The following DUSP10 variants were observed in gnomAD, a reference collection of about 807,000 sequenced individuals.
The protein encoded by DUSP10 is dual specificity protein phosphatase 10.
A neutral mutation model predicts 30.8 loss-of-function variants in DUSP10; 14 were observed. That is an observed-to-expected ratio of 0.46 (90% CI 0.30 to 0.71). DUSP10 has a LOEUF of 0.71. DUSP10 is among the 30% of genes least tolerant of loss of function. The probability of loss-of-function intolerance (pLI) is 0.08; values close to 1 mark genes in which losing one functional copy is unlikely to be tolerated. For synonymous variants in DUSP10, 254 were observed against 250.4 expected, an observed-to-expected ratio of 1.01 and a Z score of -0.14; for missense variants, 550 against 619.4, an observed-to-expected ratio of 0.89 and a Z score of 1.19.
In DUSP10 at chr1:221,702,503, C is replaced by G; in HGVS notation, c.1358G>C (p.Gly453Ala). The G allele has an allele frequency of 6.2e-7, 1 of 1,614,014 alleles. No individual in the cohort carries two copies. Among genetic ancestry groups the G allele is most frequent in the Non-Finnish European group, 8.5e-7 (1 of 1,180,010 alleles). Residue 453 changes from glycine to alanine, a missense_variant, in exon 4 of 4, where the codon GGG becomes GCG. By Grantham distance (60) the Gly-to-Ala change is moderately conservative. Coordinates refer to ENST00000366899, the MANE Select transcript of DUSP10 (RefSeq NM_007207.6). This position sits in a 1 kb window ranked among gnomAD's most constrained non-coding sequence, Gnocchi z 4.5. Reference sequence around the variant, plus strand: ...GTCTTCCTCGAACTCTAGCAACTGCCCCATGAAGTTAAGGTTTGGGGAGAT... The same window carrying G: ...GTCTTCCTCGAACTCTAGCAACTGCGCCATGAAGTTAAGGTTTGGGGAGAT... ...PIISPNLNFMGQLLEFEEDLN... is the reference protein window; with the variant it reads ...PIISPNLNFMAQLLEFEEDLN...
chr1:221,740,386 T>C (rs543750483), intron 1 of DUSP10, among the ~76,000 whole-genome samples: 1 of 152,350 alleles, frequency 6.6e-6, no homozygotes, highest in South Asian at 2.1e-4. Context: ...CATTCTCTAT[T>C]GGGGTCCTTT....
intron 2 of DUSP10, among the ~76,000 whole-genome samples, chr1:221,714,121 GTCTTT>G (rs1176524168): frequency 6.6e-6 from 1 of 152,128 alleles, no homozygotes; most frequent in African/African-American, 2.4e-5. Context: ...GTTAACAATA[GTCTTT>G]TCTTTGGATT....
rs1660766864 is a variant in DUSP10 at position 221,706,528 on chromosome 1, C to G, written c.812-62G>C. On this transcript the variant is annotated intron_variant, in intron 2 of 3. Transcript: ENST00000366899. The surrounding 1 kb of genome is among the most constrained non-coding windows in gnomAD (Gnocchi z 4.6). ...TTTCAGAGCTGGCAGAGAATGCCAC[C>G]TCCCCATTAGAATGAGTTTGCATTG... The G allele has an allele frequency of 7.4e-7, 1 of 1,346,168 alleles. No homozygotes were observed. The allele number at this position is 1,346,168 out of a possible 1,614,324, so 83.4% of individuals were successfully genotyped here.
chr1:221,738,927 G>A lies in DUSP10; in HGVS notation c.811+7C>T. 6.3e-7 allele frequency: 1 copy of A among 1,598,470 alleles called. No individual in the cohort carries two copies. The highest frequency in any genetic ancestry group is 1.3e-5 in the African/African-American group (1 of 74,738). ...GACCGTGCTTGGGAAGGGAGCAGGG[G>A]CATTACCTTTCAACACCAGAGGTTC... On this transcript the variant is annotated splice_region_variant and intron_variant, in intron 2 of 3. Coordinates refer to ENST00000366899, the MANE Select transcript of DUSP10 (RefSeq NM_007207.6).
At chr1:221,736,782 AT>A in intron 2 of DUSP10, 1 of 982,252 alleles carries the variant, frequency 1.0e-6, no homozygotes, top group Non-Finnish European at 1.2e-6. Context: ...TGAACTACAT[AT>A]TTTCAATGAA....
intron 2 of DUSP10, among the ~76,000 whole-genome samples, chr1:221,714,605 C>G (rs1321272100): frequency 6.6e-6 from 1 of 152,104 alleles, no homozygotes; most frequent in African/African-American, 2.4e-5. Flanking sequence ...AATCTGTGAG[C>G]CCTATGTAAA....
chr1:221,736,119 T>TC (rs1661760942), intron 2 of DUSP10, among the ~76,000 whole-genome samples: 1 of 152,172 alleles, frequency 6.6e-6, no homozygotes, highest in Non-Finnish European at 1.5e-5. Flanking sequence ...ATGCCTCTGA[T>TC]CGGTTTCTTC....
Position 221,739,663 on chromosome 1 carries a change from C to T in DUSP10, c.82G>A (p.Asp28Asn). 6.2e-7 allele frequency: 1 copy of T among 1,614,096 alleles called. No homozygotes were observed. Among genetic ancestry groups the T allele is most frequent in the Non-Finnish European group, 8.5e-7 (1 of 1,180,020 alleles). The change falls in exon 2 of 4, where the codon GAC becomes AAC. Residue 28 changes from aspartate to asparagine, a missense_variant. Transcript: ENST00000366899. ...VRPQDLNLCL[D>N]SSYLGSANPG... ...TTGGCAGAGCCAAGGTAACTAGAGT[C>T]TAAACAAAGGTTGAGATCCTGAGGT...
intron 2 of DUSP10, among the ~76,000 whole-genome samples, chr1:221,721,985 C>T (rs1318656446): frequency 6.6e-6 from 1 of 152,118 alleles, no homozygotes. Flanking sequence ...CTTCACCAAC[C>T]CCGGGTGGCC....
chr1:221,736,564 T>C (rs1472618421), intron 2 of DUSP10, among the ~76,000 whole-genome samples: 2 of 152,186 alleles, frequency 1.3e-5, no homozygotes, highest in African/African-American at 4.8e-5. Context: ...GGTCATGCCT[T>C]TGGGGAATGC....
intron 2 of DUSP10, among the ~76,000 whole-genome samples, chr1:221,721,879 G>A (rs1661288575): frequency 6.6e-6 from 1 of 152,104 alleles, no homozygotes; most frequent in Admixed American, 6.5e-5. Flanking sequence ...CTCAGTATAG[G>A]GTATACACAA....
intron 2 of DUSP10, among the ~76,000 whole-genome samples, chr1:221,714,756 C>T (rs1661048729): frequency 1.3e-5 from 2 of 152,140 alleles, no homozygotes; most frequent in African/African-American, 4.8e-5. Context: ...TAAACCTCTG[C>T]TTCTAAACTC....
chr1:221,729,753 T>C (rs767478337), intron 2 of DUSP10, among the ~76,000 whole-genome samples: 3 of 152,240 alleles, frequency 2.0e-5, no homozygotes, highest in Non-Finnish European at 4.4e-5. Context: ...ACTGATGTTC[T>C]GCTGGCAGAT....
intron 2 of DUSP10, among the ~76,000 whole-genome samples, chr1:221,723,922 G>T (rs919472518): frequency 6.6e-6 from 1 of 152,220 alleles, no homozygotes; most frequent in Non-Finnish European, 1.5e-5. Context: ...TGCTGAAGAA[G>T]ATGAACTAAT....
At chr1:221,714,991 C>T (rs543814844) in intron 2 of DUSP10, among the ~76,000 whole-genome samples, 1 of 152,312 alleles carries the variant, frequency 6.6e-6, no homozygotes, top group South Asian at 2.1e-4. Context: ...ACTTCCTAAT[C>T]TTTGTATAAT....
At chr1:221,734,307 C>G (rs890953553) in intron 2 of DUSP10, among the ~76,000 whole-genome samples, 1 of 152,182 alleles carries the variant, frequency 6.6e-6, no homozygotes, top group African/African-American at 2.4e-5. Context: ...GCCTCCTGGC[C>G]CAATATGTTT....
intron 3 of DUSP10, among the ~76,000 whole-genome samples, chr1:221,705,777 C>T (rs1426524467): frequency 6.6e-6 from 1 of 152,194 alleles, no homozygotes; most frequent in Non-Finnish European, 1.5e-5. Flanking sequence ...ACTTTCCATC[C>T]ACTTTTCTGG....
chr1:221,740,505 C>A (rs1558129660), intron 1 of DUSP10, among the ~76,000 whole-genome samples: 1 of 152,196 alleles, frequency 6.6e-6, no homozygotes, highest in Non-Finnish European at 1.5e-5. Flanking sequence ...AAAACGAAAT[C>A]TCAAGCCATG....
At position 221,739,574 on chromosome 1, in the gene DUSP10, AT is replaced by A; in HGVS notation, c.170del (p.Asn57IlefsTer2). ...CGCTGGATGAGGGCATATACGTCAGATTCGCAGCCTTGAGGGACACAACGGT... is the reference window on the plus strand; with the variant it reads ...CGCTGGATGAGGGCATATACGTCAGATCGCAGCCTTGAGGGACACAACGGT... The part of the protein sequence containing the change: ...ATTVVSLKAA[N>X]LTYMPSSSGS... On this transcript the variant is annotated frameshift_variant, in exon 2 of 4. Coordinates refer to ENST00000366899, the MANE Select transcript of DUSP10 (RefSeq NM_007207.6). LOFTEE classifies it high-confidence loss of function. 1.2e-6 allele frequency: 2 copies of A among 1,614,186 alleles called. No homozygotes were observed. The highest frequency in any genetic ancestry group is 2.2e-5 in the South Asian group (2 of 91,088).
Sources: allele counts gnomAD v4.1 joint callset (sites outside exome capture counted in the v4.1 genomes callset), GRCh38; gene constraint gnomAD v4.1.1; non-coding constraint Gnocchi (gnomAD v3.1); transcripts MANE v1.5; gene names NCBI Gene and HGNC (gene_info 2026-07-23, HGNC 2026-07-21).